ADGRL1: variants seen among roughly 807,000 people sequenced by gnomAD.
ADGRL1 encodes adhesion G protein-coupled receptor L1.
Under a neutral mutation model 148.9 loss-of-function variants are expected in ADGRL1, and 31 were observed. That is an observed-to-expected ratio of 0.21 (90% CI 0.16 to 0.28). ADGRL1 has a LOEUF of 0.28. ADGRL1 is among the 10% of genes least tolerant of loss of function. ADGRL1 has a pLI of 1.00. For missense variants in ADGRL1, 1,521 were observed against 2,058.8 expected (o/e 0.74, Z 5.05); for synonymous variants, 937 against 900.3 (o/e 1.04, Z -0.73).
chr19:14,154,607 T>TTTTG (rs1014406229), intron 18 of ADGRL1, among the ~76,000 whole-genome samples: 1 of 151,214 alleles, frequency 6.6e-6, no homozygotes, highest in Non-Finnish European at 1.5e-5. Flanking sequence ...TGTGTGGTTT[T>TTTTG]TTTGTTTGTT....
At chr19:14,182,036 G>A (rs183039398) in intron 2 of ADGRL1, among the ~76,000 whole-genome samples, 45 of 152,292 alleles carry the variant, frequency 3.0e-4, no homozygotes, top group Admixed American at 8.5e-4. Context: ...TGGAGAACTA[G>A]AATGTAGGAG....
Position 14,152,167 on chromosome 19 carries a change from G to T in ADGRL1, c.3650-17C>A, listed in dbSNP as rs368285474. 1.2e-6 allele frequency: 2 copies of T among 1,614,038 alleles called. No homozygotes were observed. Among genetic ancestry groups the T allele is most frequent in the Non-Finnish European group, 1.7e-6 (2 of 1,180,012 alleles). ...GGTAGCTCCCTGCAGGTGGCAGCCA[G>T]AAGAGAGAAGAGAAAAGGCAAGGAT... On this transcript the variant is annotated splice_polypyrimidine_tract_variant and intron_variant, in intron 21 of 22. Coordinates refer to ENST00000361434, the MANE Select transcript of ADGRL1 (RefSeq NM_014921.5). This position sits in a 1 kb window ranked among gnomAD's most constrained non-coding sequence, Gnocchi z 6.1.
chr19:14,148,297 C>T lies in ADGRL1; in HGVS notation c.*2576G>A, dbSNP rs1967797916. On this transcript the variant is annotated 3_prime_UTR_variant, in exon 23 of 23. Coordinates refer to ENST00000361434, the MANE Select transcript of ADGRL1 (RefSeq NM_014921.5). ...GGGCCCTGCCACACAGCTCTGAGGC[C>T]TGGAAGCCACCCGGCGATGCCGGCT... is the stretch of plus-strand genomic sequence containing the variant. 6.6e-6 allele frequency: 1 copy of T among 152,600 alleles called. No individual in the cohort carries two copies. The highest frequency in any genetic ancestry group is 1.5e-5 in the Non-Finnish European group (1 of 68,168). The allele number at this position is 152,600 out of a possible 1,614,324, so 9.5% of individuals were successfully genotyped here.
Position 14,150,932 on chromosome 19 carries a change from C to T in ADGRL1, c.4351G>A (p.Gly1451Ser). ...CCATCGGGCCCTGGCCCCTCAAGGCCTGGGGCTGCCAGGTAGCCCTCGTGG... is the reference window on the plus strand; with the variant it reads ...CCATCGGGCCCTGGCCCCTCAAGGCTTGGGGCTGCCAGGTAGCCCTCGTGG... ...PSHEGYLAAP[G>S]LEGPGPDGDG... The change falls in exon 23 of 23, where the codon GGC becomes AGC. Residue 1451 changes from glycine to serine, a missense_variant. This residue lies in a region of ADGRL1 where 390 missense variants were observed against 375.0 expected (regional missense o/e 1.04). Transcript: ENST00000361434. 1 of 1,611,406 alleles carries T rather than the reference C, an allele frequency of 6.2e-7. No homozygotes were observed. Among genetic ancestry groups the T allele is most frequent in the Non-Finnish European group, 8.5e-7 (1 of 1,179,484 alleles).
chr19:14,186,530 C>T (rs1971583240), intron 1 of ADGRL1, among the ~76,000 whole-genome samples: 1 of 152,140 alleles, frequency 6.6e-6, no homozygotes, highest in Non-Finnish European at 1.5e-5. Flanking sequence ...TGAAGTACCT[C>T]GCGACCTGCC....
chr19:14,186,575 G>A (rs1268694551), intron 1 of ADGRL1, among the ~76,000 whole-genome samples: 10 of 152,106 alleles, frequency 6.6e-5, no homozygotes, highest in Admixed American at 6.6e-4. Flanking sequence ...CCAGGCCCAT[G>A]CACCATCCTA....
chr19:14,167,333 G>T (rs934331646), intron 4 of ADGRL1, among the ~76,000 whole-genome samples: 1 of 151,998 alleles, frequency 6.6e-6, no homozygotes, highest in Non-Finnish European at 1.5e-5. Flanking sequence ...GGGTGGTAGG[G>T]GGGTACAGGC....
chr19:14,182,943 G>A (rs1743034115), intron 2 of ADGRL1, among the ~76,000 whole-genome samples: 2 of 151,918 alleles, frequency 1.3e-5, no homozygotes, highest in African/African-American at 4.8e-5. Flanking sequence ...GTGAGGGGCC[G>A]GGCCTACTGG....
At position 14,161,176 on chromosome 19, in the gene ADGRL1, G is replaced by T; in HGVS notation, c.1510+136C>A. 3 of 878,808 alleles carry T rather than the reference G, an allele frequency of 3.4e-6. No homozygotes were observed. Among genetic ancestry groups the T allele is most frequent in the South Asian group, 1.9e-5 (1 of 53,024 alleles). The allele number at this position is 878,808 out of a possible 1,614,324, so 54.4% of individuals were successfully genotyped here. The stretch of plus-strand genomic sequence containing the variant: ...GTGGCTCCTGTGCCCTGAGAGCTCT[G>T]CTGGTCACTGGGGATGACCCCTGCC... On this transcript the variant is annotated intron_variant, in intron 6 of 22. Transcript: ENST00000361434. This position sits in a 1 kb window ranked among gnomAD's most constrained non-coding sequence, Gnocchi z 4.4.
At chr19:14,174,248 T>G (rs1392939053) in intron 3 of ADGRL1, among the ~76,000 whole-genome samples, 1 of 152,066 alleles carries the variant, frequency 6.6e-6, no homozygotes, top group African/African-American at 2.4e-5. Context: ...GGAAGGGGGC[T>G]CCCAGGGAGG....
In ADGRL1 at chr19:14,201,302, G is replaced by GTT. The variant is rs56206541; in HGVS notation, c.-96+4681_-96+4682dup. ...GGCACTGGCTATTCTGAGTTTTTTTGTTTTTTTTTTTTGGCGGGGTGGGGG... is the reference window on the plus strand; with the variant it reads ...GGCACTGGCTATTCTGAGTTTTTTTGTTTTTTTTTTTTTTGGCGGGGTGGGGG... On this transcript the variant is annotated intron_variant, in intron 1 of 22. Coordinates refer to ENST00000361434, the MANE Select transcript of ADGRL1 (RefSeq NM_014921.5). 3.9e-3 allele frequency among the ~76,000 whole-genome samples: 426 copies of GTT among 109,886 alleles called. 5 individuals carry two copies. Among genetic ancestry groups the GTT allele is most frequent in the African/African-American group, 8.1e-3 (242 of 29,720 alleles). The allele number at this position is 109,886 out of a possible 152,430, so 72.1% of individuals were successfully genotyped here. A position where few individuals can be genotyped will look rare whatever the true frequency, so the allele number is the denominator to read the frequency against.
intron 1 of ADGRL1, among the ~76,000 whole-genome samples, chr19:14,202,999 A>T (rs1383508671): frequency 4.0e-5 from 6 of 151,058 alleles, no homozygotes; most frequent in Non-Finnish European, 8.9e-5. Flanking sequence ...GGACACCGGG[A>T]CCCCCTCCAT....
intron 1 of ADGRL1, among the ~76,000 whole-genome samples, chr19:14,202,123 G>GA (rs1410360100): frequency 6.6e-6 from 1 of 152,142 alleles, no homozygotes; most frequent in African/African-American, 2.4e-5. Flanking sequence ...GAAAGACCAT[G>GA]AAGGGCCAGA....
chr19:14,158,602 C>T (rs772224895), intron 11 of ADGRL1, 50 bp from the exon 12 acceptor site: 5 of 1,482,608 alleles, frequency 3.4e-6, no homozygotes, highest in African/African-American at 2.8e-5. Context: ...AGCTGGCGCA[C>T]CTCCATCCAG....
chr19:14,177,030 G>T (rs1036248), intron 3 of ADGRL1, among the ~76,000 whole-genome samples: 14,835 of 151,926 alleles, frequency 0.098, 912 homozygotes, highest in Admixed American at 0.17. Flanking sequence ...AGGAGTTCGA[G>T]ACCTGCCTGG....
At chr19:14,183,215 G>GAGAGAGAA in intron 2 of ADGRL1, among the ~76,000 whole-genome samples, 1 of 151,016 alleles carries the variant, frequency 6.6e-6, no homozygotes, top group East Asian at 1.9e-4. Context: ...GAGAGAGAGA[G>GAGAGAGAA]AGCGAGAGAG....
rs377000108 is a variant in ADGRL1 at position 14,158,315 on chromosome 19, G to A, written c.2364+23C>T. On this transcript the variant is annotated intron_variant, in intron 12 of 22. Coordinates refer to ENST00000361434, the MANE Select transcript of ADGRL1 (RefSeq NM_014921.5). Reference sequence around the variant, plus strand: ...CAGAGGGTACAGGGACCCCCATGGAGGGAGGGGGACGGCTCAGCTCACCTC... The same window carrying A: ...CAGAGGGTACAGGGACCCCCATGGAAGGAGGGGGACGGCTCAGCTCACCTC... 1.4e-5 allele frequency: 22 copies of A among 1,599,366 alleles called. No homozygotes were observed. In the East Asian group the frequency reaches 1.8e-4, roughly 13 times the overall value.
rs1182625136 is a variant in ADGRL1 at position 14,152,114 on chromosome 19, AG to A, written c.3667+18del. The A allele has an allele frequency of 5.6e-6, 9 of 1,610,180 alleles. No homozygotes were observed. The African/African-American group carries it at 9.4e-5, about 17-fold the overall frequency. ...CTCTCCCAGCCTCAGAAACATCCCC[AG>A]GGAAGAGTCACACTTACTGGGTTCC... is the stretch of plus-strand genomic sequence containing the variant. On this transcript the variant is annotated intron_variant, in intron 22 of 22. Transcript: ENST00000361434. The surrounding 1 kb of genome is among the most constrained non-coding windows in gnomAD (Gnocchi z 6.1).
At chr19:14,192,191 T>C (rs1185479291) in intron 1 of ADGRL1, among the ~76,000 whole-genome samples, 2 of 152,142 alleles carry the variant, frequency 1.3e-5, no homozygotes, top group African/African-American at 4.8e-5. Flanking sequence ...ATCCCATCCC[T>C]GCTCCATACT....
Sources: allele counts gnomAD v4.1 joint callset (sites outside exome capture counted in the v4.1 genomes callset), GRCh38; gene constraint gnomAD v4.1.1; regional missense constraint gnomAD v4.1.1; non-coding constraint Gnocchi (gnomAD v3.1); transcripts MANE v1.5; gene names NCBI Gene and HGNC (gene_info 2026-07-23, HGNC 2026-07-21).